Variants in NBDY observed in about 807,000 individuals in gnomAD.
NBDY encodes P-body dissociating protein.
chrX:56,810,861 G>T (rs1446634860), intron 2 of NBDY, among the ~76,000 whole-genome samples: 1 of 111,637 alleles, frequency 9.0e-6, no homozygotes, highest in African/African-American at 3.3e-5. Context: ...ACCTTTTTGT[G>T]CTGGTTTCTC....
intron 2 of NBDY, among the ~76,000 whole-genome samples, chrX:56,761,309 G>A (rs780464288): frequency 8.9e-6 from 1 of 112,866 alleles, no homozygotes; most frequent in Admixed American, 9.3e-5. Flanking sequence ...CAGCTTCCCG[G>A]TTCCATCTTG....
At chrX:56,781,140 A>G (rs959931916) in intron 2 of NBDY, among the ~76,000 whole-genome samples, 22 of 111,377 alleles carry the variant, frequency 2.0e-4, no homozygotes, top group African/African-American at 6.5e-4. Flanking sequence ...TTGAACATCA[A>G]TCACGTCTGA....
At chrX:56,809,264 A>G (rs755654196) in intron 2 of NBDY, among the ~76,000 whole-genome samples, 6 of 112,041 alleles carry the variant, frequency 5.4e-5, no homozygotes, top group Non-Finnish European at 9.4e-5. Flanking sequence ...GTAGATGTCT[A>G]TTAGGTTCAC....
At chrX:56,780,989 A>T (rs143939859) in intron 2 of NBDY, among the ~76,000 whole-genome samples, 13 of 110,124 alleles carry the variant, frequency 1.2e-4, no homozygotes, top group African/African-American at 4.3e-4. Flanking sequence ...TTCCTTGTCA[A>T]CAAATGTGTG....
At chrX:56,737,000 A>G (rs1408514538) in intron 2 of NBDY, among the ~76,000 whole-genome samples, 1 of 111,985 alleles carries the variant, frequency 8.9e-6, no homozygotes, top group Non-Finnish European at 1.9e-5. Flanking sequence ...GAAAACTGAT[A>G]AAGTGGCCTC....
chrX:56,810,507 A>G (rs1350350965), intron 2 of NBDY, among the ~76,000 whole-genome samples: 3 of 108,797 alleles, frequency 2.8e-5, no homozygotes, highest in East Asian at 3.0e-4. Flanking sequence ...TTGATCTTCA[A>G]TCTCTGATAT....
At chrX:56,816,978 T>A (rs1337942207) in intron 2 of NBDY, among the ~76,000 whole-genome samples, 2 of 111,742 alleles carry the variant, frequency 1.8e-5, no homozygotes, top group Non-Finnish European at 3.8e-5. Context: ...ATGAGGCTGA[T>A]TGATTAGTTT....
intron 2 of NBDY, among the ~76,000 whole-genome samples, chrX:56,739,356 C>G (rs1189241408): frequency 1.0e-5 from 1 of 97,400 alleles, no homozygotes; most frequent in African/African-American, 3.7e-5. Context: ...GAAGCTGTTT[C>G]AAAGCTGCTT....
chrX:56,787,303 G>A (rs1315596040), intron 2 of NBDY, among the ~76,000 whole-genome samples: 1 of 110,142 alleles, frequency 9.1e-6, no homozygotes, highest in African/African-American at 3.3e-5. Context: ...AGCCCAAGCA[G>A]ACACACGCAC....
At chrX:56,767,644 C>T (rs1348427291) in intron 2 of NBDY, among the ~76,000 whole-genome samples, 3 of 113,565 alleles carry the variant, frequency 2.6e-5, no homozygotes, top group Non-Finnish European at 5.6e-5. Context: ...GGGCCAGCAG[C>T]TACTGTGCTC....
intron 2 of NBDY, among the ~76,000 whole-genome samples, chrX:56,732,811 G>A (rs762194379): frequency 9.0e-5 from 10 of 111,223 alleles, no homozygotes; most frequent in Middle Eastern, 4.6e-3. Context: ...GTTTTTTCCC[G>A]TCTATATGTA....
chrX:56,815,913 T>C (rs1170540729), intron 2 of NBDY, among the ~76,000 whole-genome samples: 1 of 111,890 alleles, frequency 8.9e-6, no homozygotes. Context: ...TCCACAGATT[T>C]AGAATTGTTT....
chrX:56,794,027 C>A (rs1350838355), intron 2 of NBDY, among the ~76,000 whole-genome samples: 1 of 112,405 alleles, frequency 8.9e-6, no homozygotes, highest in Non-Finnish European at 1.9e-5. Flanking sequence ...AGTGGCTTCC[C>A]TTATGCACAT....
chrX:56,790,639 G>A (rs2069757403), intron 2 of NBDY, among the ~76,000 whole-genome samples: 2 of 112,299 alleles, frequency 1.8e-5, no homozygotes, highest in African/African-American at 6.5e-5. Context: ...GCAACTCTGA[G>A]TTTCAGAGGT....
chrX:56,788,636 G>A (rs1268030260), intron 2 of NBDY, among the ~76,000 whole-genome samples: 1 of 111,551 alleles, frequency 9.0e-6, no homozygotes, highest in East Asian at 2.8e-4. Flanking sequence ...TTTTTACCAG[G>A]AAGATAGGGG....
At chrX:56,739,932 A>T (rs1262497729) in intron 2 of NBDY, among the ~76,000 whole-genome samples, 1 of 111,926 alleles carries the variant, frequency 8.9e-6, no homozygotes, top group Non-Finnish European at 1.9e-5. Flanking sequence ...CATCATTTTT[A>T]GTACATTTAT....
intron 2 of NBDY, among the ~76,000 whole-genome samples, chrX:56,758,936 A>T (rs1403723981): frequency 2.7e-5 from 3 of 112,102 alleles, no homozygotes; most frequent in African/African-American, 9.7e-5. Flanking sequence ...GGGCCTTCAT[A>T]CAGAGCCCAT....
At chrX:56,797,060 TTCC>T (rs1246432388) in intron 2 of NBDY, among the ~76,000 whole-genome samples, 3 of 109,281 alleles carry the variant, frequency 2.7e-5, no homozygotes, top group East Asian at 2.9e-4. Flanking sequence ...TTTTCCTCCT[TTCC>T]TCCTCCTCCT....
chrX:56,797,878 C>T (rs1332356489), intron 2 of NBDY, among the ~76,000 whole-genome samples: 1 of 111,962 alleles, frequency 8.9e-6, no homozygotes, highest in African/African-American at 3.2e-5. Flanking sequence ...CCCATACACA[C>T]ATGGAGATAC....
Sources: gnomAD v4.1 joint callset for allele counts (sites outside exome capture counted in the v4.1 genomes callset) on GRCh38, gnomAD v4.1.1 for gene constraint, MANE v1.5 for transcripts, NCBI Gene and HGNC (gene_info 2026-07-23, HGNC 2026-07-21) for gene names.